The following MYLK variants were observed in gnomAD, a reference collection of about 807,000 sequenced individuals.
MYLK encodes myosin light chain kinase.
Under a neutral mutation model 203.4 loss-of-function variants are expected in MYLK, and 106 were observed. The observed-to-expected ratio is 0.52, with a 90% CI of 0.45 to 0.61. MYLK has a LOEUF of 0.61. Ranked by LOEUF, MYLK falls within the 20% of genes least tolerant of loss-of-function variation. MYLK has a pLI of 0.00. For missense variants in MYLK, 2,072 were observed against 2,442.3 expected (o/e 0.85, Z 3.20); for synonymous variants, 867 against 959.5 (o/e 0.90, Z 1.78).
chr3:123,768,763 T>A (rs2063783334), intron 4 of MYLK, among the ~76,000 whole-genome samples: 1 of 152,224 alleles, frequency 6.6e-6, no homozygotes, highest in South Asian at 2.1e-4. Flanking sequence ...ACACATCAGA[T>A]TTTTCCTCCT....
At chr3:123,643,196 A>G (rs1033962378) in intron 27 of MYLK, among the ~76,000 whole-genome samples, 1 of 152,182 alleles carries the variant, frequency 6.6e-6, no homozygotes, top group Non-Finnish European at 1.5e-5. Flanking sequence ...CACTTTGTGT[A>G]TCAAGTTGGC....
At chr3:123,736,308 C>T (rs926147919) in intron 8 of MYLK, among the ~76,000 whole-genome samples, 7 of 151,970 alleles carry the variant, frequency 4.6e-5, no homozygotes, top group Admixed American at 3.9e-4. Flanking sequence ...GAAAAATACC[C>T]AGGCCAAAAA....
In MYLK at chr3:123,610,927, T is replaced by C. The variant is rs1457180445; in HGVS notation, c.*3178A>G. ...GTAGGAAATATCTTTTAATAAGATATGCAATGCAAGGAACAATCAATGGAT... is the reference window on the plus strand; with the variant it reads ...GTAGGAAATATCTTTTAATAAGATACGCAATGCAAGGAACAATCAATGGAT... On this transcript the variant is annotated 3_prime_UTR_variant, in exon 34 of 34. Coordinates refer to ENST00000360304, the MANE Select transcript of MYLK (RefSeq NM_053025.4). 6.6e-6 allele frequency: 1 copy of C among 152,234 alleles called. No individual in the cohort carries two copies. The highest frequency in any genetic ancestry group is 2.4e-5 in the African/African-American group (1 of 41,466). The allele number at this position is 152,234 out of a possible 1,614,324, so 9.4% of individuals were successfully genotyped here. A position where few individuals can be genotyped will look rare whatever the true frequency, so the allele number is the denominator to read the frequency against.
chr3:123,632,314 C>T (rs750397022), intron 29 of MYLK, among the ~76,000 whole-genome samples: 6 of 152,284 alleles, frequency 3.9e-5, no homozygotes, highest in African/African-American at 1.4e-4. Flanking sequence ...CTGTCAGCCA[C>T]CTGCTGCTTC....
At chr3:123,775,526 C>T (rs1364915199) in intron 4 of MYLK, among the ~76,000 whole-genome samples, 1 of 152,174 alleles carries the variant, frequency 6.6e-6, no homozygotes, top group African/African-American at 2.4e-5. Flanking sequence ...AGATGTGGCA[C>T]CTGCCTTAGG....
intron 3 of MYLK, among the ~76,000 whole-genome samples, chr3:123,820,566 C>T (rs1193159348): frequency 6.6e-6 from 1 of 152,114 alleles, no homozygotes; most frequent in African/African-American, 2.4e-5. Flanking sequence ...TAAAGTCTAG[C>T]TTGCAGATAC....
intron 2 of MYLK, among the ~76,000 whole-genome samples, chr3:123,860,794 G>A (rs1379204904): frequency 6.6e-6 from 1 of 152,148 alleles, no homozygotes; most frequent in Non-Finnish European, 1.5e-5. Context: ...AGCTGAGCCA[G>A]TGTCAGAGTA....
chr3:123,704,621 C>T (rs532770219), intron 16 of MYLK, among the ~76,000 whole-genome samples: 18 of 151,920 alleles, frequency 1.2e-4, no homozygotes, highest in Non-Finnish European at 1.9e-4. Context: ...GAACTAATTT[C>T]GGCCGGGCAT....
intron 4 of MYLK, among the ~76,000 whole-genome samples, chr3:123,776,682 T>C (rs1008023826): frequency 5.3e-5 from 8 of 152,374 alleles, no homozygotes; most frequent in Admixed American, 3.3e-4. Context: ...ATTTTAGTTA[T>C]GACTAAAAGT....
intron 33 of MYLK, among the ~76,000 whole-genome samples, chr3:123,615,931 G>A (rs2057467120): frequency 6.6e-6 from 1 of 152,200 alleles, no homozygotes; most frequent in South Asian, 2.1e-4. Flanking sequence ...TTACAGGCGT[G>A]AGCCACTATG....
chr3:123,848,013 G>A (rs1282430763), intron 2 of MYLK, among the ~76,000 whole-genome samples: 1 of 151,886 alleles, frequency 6.6e-6, no homozygotes, highest in Non-Finnish European at 1.5e-5. Flanking sequence ...ATATTTTTGG[G>A]AGAAGAAGTC....
chr3:123,734,292 C>A, intron 9 of MYLK, 70 bp from the exon 10 acceptor site: 1 of 1,406,770 alleles, frequency 7.1e-7, no homozygotes, highest in South Asian at 1.5e-5. Context: ...TCTGGTTACT[C>A]ACAAATATTA....
At chr3:123,654,713 CTTTTTTT>C (rs1201129769) in intron 24 of MYLK, among the ~76,000 whole-genome samples, 2 of 125,286 alleles carry the variant, frequency 1.6e-5, no homozygotes, top group African/African-American at 3.3e-5. Context: ...TTCTTTAATT[CTTTTTTT>C]TTTTTTTTTT....
intron 3 of MYLK, among the ~76,000 whole-genome samples, chr3:123,825,242 G>A (rs182591088): frequency 6.6e-6 from 1 of 152,216 alleles, no homozygotes; most frequent in East Asian, 1.9e-4. Flanking sequence ...CAGGTTACTT[G>A]CCCTTTTGAA....
chr3:123,693,621 A>G (rs1208163168), intron 18 of MYLK: 1 of 152,626 alleles, frequency 6.6e-6, no homozygotes, highest in Non-Finnish European at 1.5e-5. Flanking sequence ...CACTCCCAGC[A>G]CCATCTTCTG....
chr3:123,793,542 G>T (rs924842562), intron 4 of MYLK, 135 bp downstream of exon 4: 2 of 939,562 alleles, frequency 2.1e-6, no homozygotes, highest in Non-Finnish European at 3.2e-6. Context: ...AGTGGCACAG[G>T]TTCGTTTTAC....
intron 2 of MYLK, among the ~76,000 whole-genome samples, chr3:123,851,453 C>A (rs940961234): frequency 1.3e-5 from 2 of 152,130 alleles, no homozygotes; most frequent in African/African-American, 4.8e-5. Flanking sequence ...TTGAAGAGGT[C>A]CTTCACATCC....
rs765847503 is a variant in MYLK at position 123,707,907 on chromosome 3, C to T, written c.2237G>A (p.Gly746Asp). Residue 746 changes from glycine (G) to aspartate (D), a missense_variant, in exon 16 of 34, where the codon GGT becomes GAT. Gly to Asp is a moderately conservative substitution (Grantham distance 94). Around this residue, in one of 3 missense-constraint regions of MYLK, gnomAD observed 865 missense variants for 1,016.0 expected, o/e 0.85. Coordinates refer to ENST00000360304, the MANE Select transcript of MYLK (RefSeq NM_053025.4). Reference sequence around the variant, plus strand: ...CCAGTGCACGGTAGGAAAGGGGTCACCAGCTATGGCGCAGGAGATGAGGAC... The same window carrying T: ...CCAGTGCACGGTAGGAAAGGGGTCATCAGCTATGGCGCAGGAGATGAGGAC... ...QSVLISCAIAGDPFPTVHWLR... is the reference protein window; with the variant it reads ...QSVLISCAIADDPFPTVHWLR... The T allele has an allele frequency of 6.2e-7, 1 of 1,614,210 alleles. No individual in the cohort carries two copies. The highest frequency in any genetic ancestry group is 8.5e-7 in the Non-Finnish European group (1 of 1,180,054).
intron 3 of MYLK, among the ~76,000 whole-genome samples, chr3:123,804,266 G>A (rs1175945486): frequency 2.0e-5 from 3 of 152,184 alleles, no homozygotes; most frequent in African/African-American, 7.2e-5. Flanking sequence ...GGGAAGCCAG[G>A]GAGAGGGCTA....
Sources: allele counts gnomAD v4.1 joint callset (sites outside exome capture counted in the v4.1 genomes callset), GRCh38; gene constraint gnomAD v4.1.1; regional missense constraint gnomAD v4.1.1; transcripts MANE v1.5; gene names NCBI Gene and HGNC (gene_info 2026-07-23, HGNC 2026-07-21).